Variants in ARK2C observed in about 807,000 individuals in gnomAD.
ARK2C encodes E3 ubiquitin-protein ligase ARK2C.
chr18:46,414,771 A>G, the ARK2C span, among the ~76,000 whole-genome samples: 1 of 152,190 alleles, frequency 6.6e-6, no homozygotes, highest in Non-Finnish European at 1.5e-5. Flanking sequence ...CCTTTGCCCC[A>G]GTGCGGAGGG....
the ARK2C span, chr18:46,450,279 C>A: frequency 1.3e-6 from 2 of 1,559,540 alleles, no homozygotes; most frequent in Non-Finnish European, 1.8e-6. Context: ...CTATCCAAGG[C>A]GTTTTCTACC....
At chr18:46,399,869 C>G in the ARK2C span, among the ~76,000 whole-genome samples, 1 of 152,206 alleles carries the variant, frequency 6.6e-6, no homozygotes, top group Non-Finnish European at 1.5e-5. Flanking sequence ...CTCTAATTCC[C>G]TGAGGGTGGC....
chr18:46,430,507 C>G, the ARK2C span, among the ~76,000 whole-genome samples: 2 of 152,200 alleles, frequency 1.3e-5, no homozygotes. Context: ...TGCAGACTTT[C>G]AGTTCTAGGA....
At chr18:46,430,834 G>T in the ARK2C span, among the ~76,000 whole-genome samples, 4 of 152,106 alleles carry the variant, frequency 2.6e-5, no homozygotes, top group Non-Finnish European at 5.9e-5. Context: ...TGAGGGTATG[G>T]ATTATATTGT....
chr18:46,361,441 T>C, the ARK2C span, among the ~76,000 whole-genome samples: 15 of 152,150 alleles, frequency 9.9e-5, no homozygotes, highest in East Asian at 2.9e-3. Flanking sequence ...TTTAACTGAG[T>C]ATGGCAGGCA....
chr18:46,425,937 C>T, the ARK2C span, among the ~76,000 whole-genome samples: 2 of 152,154 alleles, frequency 1.3e-5, no homozygotes, highest in African/African-American at 4.8e-5. Flanking sequence ...GGGTCCGCCT[C>T]CTCATAGATG....
At chr18:46,352,379 C>G in the ARK2C span, among the ~76,000 whole-genome samples, 1 of 152,166 alleles carries the variant, frequency 6.6e-6, no homozygotes, top group Non-Finnish European at 1.5e-5. Flanking sequence ...TTCATGTGGA[C>G]CAGAGCTCCC....
the ARK2C span, among the ~76,000 whole-genome samples, chr18:46,388,152 A>G: frequency 1.3e-5 from 2 of 152,186 alleles, no homozygotes; most frequent in Non-Finnish European, 2.9e-5. Flanking sequence ...TGGGAGGTGA[A>G]GGGAGATAGC....
At chr18:46,423,442 T>A in the ARK2C span, among the ~76,000 whole-genome samples, 7 of 152,200 alleles carry the variant, frequency 4.6e-5, no homozygotes, top group African/African-American at 1.7e-4. Flanking sequence ...AGGAACAGGC[T>A]TACTCCTAGG....
chr18:46,456,676 G>A, the ARK2C span: 1 of 1,429,468 alleles, frequency 7.0e-7, no homozygotes, highest in Non-Finnish European at 9.9e-7. Flanking sequence ...TCCTTCACCA[G>A]GTCCCCCCAC....
At chr18:46,455,474 T>C in the ARK2C span, among the ~76,000 whole-genome samples, 1 of 152,144 alleles carries the variant, frequency 6.6e-6, no homozygotes, top group Non-Finnish European at 1.5e-5. Context: ...GCAAAAATGA[T>C]GTCCACTTGA....
At chr18:46,388,827 G>A in the ARK2C span, among the ~76,000 whole-genome samples, 1 of 152,110 alleles carries the variant, frequency 6.6e-6, no homozygotes, top group African/African-American at 2.4e-5. Flanking sequence ...GTGGAGAGGT[G>A]GGTGTGGGTG....
chr18:46,430,892 G>A, the ARK2C span, among the ~76,000 whole-genome samples: 1 of 152,138 alleles, frequency 6.6e-6, no homozygotes, highest in Non-Finnish European at 1.5e-5. Context: ...TGTTCCTCGA[G>A]TTCATTGTTT....
the ARK2C span, among the ~76,000 whole-genome samples, chr18:46,365,697 G>T: frequency 6.6e-6 from 1 of 152,180 alleles, no homozygotes; most frequent in East Asian, 1.9e-4. Context: ...TAGAGATGGG[G>T]TTTCACAATG....
the ARK2C span, among the ~76,000 whole-genome samples, chr18:46,352,331 G>A: frequency 6.6e-6 from 1 of 152,130 alleles, no homozygotes; most frequent in South Asian, 2.1e-4. Context: ...AGTTTGCACT[G>A]GCTATATTGG....
chr18:46,456,001 AAGGATG>A, the ARK2C span: 1 of 1,613,282 alleles, frequency 6.2e-7, no homozygotes, highest in Non-Finnish European at 8.5e-7. Flanking sequence ...CAAGGGCAAG[AAGGATG>A]AGGGGGAGGA....
the ARK2C span, among the ~76,000 whole-genome samples, chr18:46,361,726 G>C: frequency 1.3e-5 from 2 of 152,188 alleles, no homozygotes; most frequent in Non-Finnish European, 2.9e-5. Flanking sequence ...TGGGCACCAA[G>C]TCCTATCCCC....
chr18:46,420,032 A>G, the ARK2C span, among the ~76,000 whole-genome samples: 1 of 152,080 alleles, frequency 6.6e-6, no homozygotes, highest in Admixed American at 6.5e-5. Context: ...TGGGAATCTA[A>G]TTTTACTGAC....
the ARK2C span, among the ~76,000 whole-genome samples, chr18:46,415,962 A>G: frequency 6.6e-6 from 1 of 152,028 alleles, no homozygotes; most frequent in Non-Finnish European, 1.5e-5. Context: ...ATGGAAACCA[A>G]TTTGGACACC....
Sources: allele counts gnomAD v4.1 joint callset (sites outside exome capture counted in the v4.1 genomes callset), GRCh38; gene constraint gnomAD v4.1.1; transcripts MANE v1.5; gene names NCBI Gene and HGNC (gene_info 2026-07-23, HGNC 2026-07-21).